Variants in EDIL3 observed in about 807,000 individuals in gnomAD.
EDIL3 encodes the protein EGF-like repeat and discoidin I-like domain-containing protein 3.
Under a neutral mutation model 67.4 loss-of-function variants are expected in EDIL3, and 37 were observed. The observed-to-expected ratio is 0.55, with a 90% CI of 0.42 to 0.72. The LOEUF is 0.72. Ranked by LOEUF, EDIL3 falls within the 30% of genes least tolerant of loss-of-function variation. The pLI, the probability that EDIL3 is intolerant of heterozygous loss-of-function variation, is 0.00. For synonymous variants in EDIL3, 195 were observed against 196.3 expected, an observed-to-expected ratio of 0.99 and a Z score of 0.05; for missense variants, 527 against 586.3, an observed-to-expected ratio of 0.90 and a Z score of 1.04.
Position 84,266,110 on chromosome 5 carries a change from C to T in EDIL3, c.68-11898G>A, listed in dbSNP as rs148978707. Among the ~76,000 whole-genome samples, 764 of 152,216 alleles carry T rather than the reference C, an allele frequency of 5.0e-3. 4 individuals are homozygous for T. Among genetic ancestry groups the T allele is most frequent in the African/African-American group, 0.017 (691 of 41,530 alleles). The stretch of plus-strand genomic sequence containing the variant: ...GGGGTTTTGTTACCTCTCTGGGCTA[C>T]CAAATAAAATGTGACTTGCTGAAAA... On this transcript the variant is annotated intron_variant, in intron 1 of 10. Coordinates refer to ENST00000296591, the MANE Select transcript of EDIL3 (RefSeq NM_005711.5).
At chr5:84,122,886 T>C (rs2112300611) in intron 5 of EDIL3, among the ~76,000 whole-genome samples, 1 of 152,070 alleles carries the variant, frequency 6.6e-6, no homozygotes, top group East Asian at 1.9e-4. Flanking sequence ...AGCAGAGGTA[T>C]AACATTTAAT....
At chr5:84,228,454 T>C (rs1041873000) in intron 3 of EDIL3, among the ~76,000 whole-genome samples, 2 of 152,036 alleles carry the variant, frequency 1.3e-5, no homozygotes, top group African/African-American at 4.8e-5. Context: ...CACAAACAGA[T>C]GAGTTTGCTA....
At chr5:84,343,079 A>T (rs1747158589) in intron 1 of EDIL3, among the ~76,000 whole-genome samples, 1 of 152,160 alleles carries the variant, frequency 6.6e-6, no homozygotes, top group Admixed American at 6.6e-5. Flanking sequence ...AATGGATAAA[A>T]GTCAAGGGAC....
intron 5 of EDIL3, among the ~76,000 whole-genome samples, chr5:84,113,551 T>G (rs575264533): frequency 1.3e-5 from 2 of 152,184 alleles, no homozygotes; most frequent in Non-Finnish European, 2.9e-5. Context: ...GTGAATAAAA[T>G]AGCTTCAAAG....
intron 3 of EDIL3, among the ~76,000 whole-genome samples, chr5:84,222,187 T>C (rs1468471734): frequency 6.6e-6 from 1 of 151,936 alleles, no homozygotes; most frequent in East Asian, 1.9e-4. Context: ...AGAAAATATC[T>C]AATTACTCTG....
At chr5:84,283,045 T>A (rs1159050870) in intron 1 of EDIL3, among the ~76,000 whole-genome samples, 1 of 152,134 alleles carries the variant, frequency 6.6e-6, no homozygotes, top group Non-Finnish European at 1.5e-5. Context: ...ATTTCTTTTT[T>A]TTTTTAACCA....
intron 6 of EDIL3, among the ~76,000 whole-genome samples, chr5:84,102,310 T>C (rs1434674803): frequency 6.6e-6 from 1 of 152,026 alleles, no homozygotes; most frequent in Non-Finnish European, 1.5e-5. Context: ...TTGGAAGTCC[T>C]GGCCAGGGCA....
rs550429663 is a variant in EDIL3, at chr5:84,172,850, C to T, written c.355+7543G>A. ...CAGGTAGAGGGCATTAAGTGAAAAA[C>T]GCTATATTAACTGCATGCTTTCTGC... On this transcript the variant is annotated intron_variant, in intron 4 of 10. Coordinates refer to ENST00000296591, the MANE Select transcript of EDIL3 (RefSeq NM_005711.5). Among the ~76,000 whole-genome samples the T allele has an allele frequency of 1.6e-4, 25 of 152,196 alleles. No individual in the cohort carries two copies. The South Asian group carries it at 2.5e-3, about 15-fold the overall frequency.
intron 1 of EDIL3, among the ~76,000 whole-genome samples, chr5:84,353,099 C>G (rs999594269): frequency 1.3e-5 from 2 of 152,118 alleles, no homozygotes; most frequent in Admixed American, 1.3e-4. Context: ...TGCACCCAAT[C>G]AATGTGAATA....
chr5:83,992,758 A>G (rs1745172807), intron 9 of EDIL3, among the ~76,000 whole-genome samples: 1 of 152,086 alleles, frequency 6.6e-6, no homozygotes, highest in African/African-American at 2.4e-5. Flanking sequence ...AAATCTATTA[A>G]TTTTAATGTT....
At position 84,076,158 on chromosome 5, in the gene EDIL3, AT is replaced by A. The variant is rs910633053; in HGVS notation, c.652-9553del. Among the ~76,000 whole-genome samples, 51 of 152,000 alleles carry A rather than the reference AT, an allele frequency of 3.4e-4. 1 individual carries two copies. Among genetic ancestry groups the A allele is most frequent in the Non-Finnish European group, 1.2e-4 (8 of 67,992 alleles). On this transcript the variant is annotated intron_variant, in intron 6 of 10. Coordinates refer to ENST00000296591, the MANE Select transcript of EDIL3 (RefSeq NM_005711.5). ...TTATATTTTATCAAATCTCTTTCAA[AT>A]CTAGCTTAAGAGAAGACAGGTTCTC...
At chr5:83,979,524 T>C (rs1744929495) in intron 9 of EDIL3, among the ~76,000 whole-genome samples, 1 of 152,108 alleles carries the variant, frequency 6.6e-6, no homozygotes, top group Non-Finnish European at 1.5e-5. Context: ...ACAGAATTGA[T>C]AACTAAATGG....
chr5:84,297,668 C>T (rs1746077938), intron 1 of EDIL3, among the ~76,000 whole-genome samples: 1 of 152,116 alleles, frequency 6.6e-6, no homozygotes, highest in Admixed American at 6.5e-5. Context: ...GGAGCCCATG[C>T]TATTTATTGG....
intron 10 of EDIL3, among the ~76,000 whole-genome samples, chr5:83,954,727 T>C (rs1300318586): frequency 5.3e-5 from 8 of 151,786 alleles, no homozygotes; most frequent in Admixed American, 1.3e-4. Context: ...GGTTACTGCA[T>C]ACTTAAACTA....
Position 84,238,663 on chromosome 5 carries a change from A to ATGTTTTT in EDIL3, c.197-8786_197-8780dup, listed in dbSNP as rs1554037691. Among the ~76,000 whole-genome samples the ATGTTTTT allele has an allele frequency of 3.0e-4, 8 of 26,694 alleles. No homozygotes were observed. The East Asian group carries it at 9.8e-3, about 33-fold the overall frequency. The allele number at this position is 26,694 out of a possible 152,430, so 17.5% of individuals were successfully genotyped here. ...CTGTTACAACAGGAGCTAAAATTAA[A>ATGTTTTT]TGTTTTTTTTTTTTTTTTTTCAGAA... On this transcript the variant is annotated intron_variant, in intron 2 of 10. Transcript: ENST00000296591.
At position 83,942,942 on chromosome 5, in the gene EDIL3, T is replaced by A. The variant is rs1744251134; in HGVS notation, c.*477A>T. On this transcript the variant is annotated 3_prime_UTR_variant, in exon 11 of 11. Transcript: ENST00000296591. ...TGTAATAAACATTGACAGTGTTTGGTAGGCACAGGGAAACAGGATAACGTA... is the reference window on the plus strand; with the variant it reads ...TGTAATAAACATTGACAGTGTTTGGAAGGCACAGGGAAACAGGATAACGTA... The A allele has an allele frequency of 6.3e-6, 1 of 158,854 alleles. No individual in the cohort carries two copies. The allele number at this position is 158,854 out of a possible 1,614,324, so 9.8% of individuals were successfully genotyped here. A position where few individuals can be genotyped will look rare whatever the true frequency, so the allele number is the denominator to read the frequency against.
At chr5:84,327,220 C>G (rs941716361) in intron 1 of EDIL3, among the ~76,000 whole-genome samples, 1 of 151,896 alleles carries the variant, frequency 6.6e-6, no homozygotes, top group Non-Finnish European at 1.5e-5. Flanking sequence ...ATGCTTTATT[C>G]ATCCTTACTA....
intron 7 of EDIL3, 53 bp downstream of exon 7, chr5:84,066,398 A>T: frequency 1.3e-6 from 2 of 1,506,674 alleles, no homozygotes; most frequent in Non-Finnish European, 1.8e-6. Flanking sequence ...TTGATAATCA[A>T]TAATTATCAA....
rs750040403 is a variant in EDIL3, at chr5:83,940,847, A to T, written c.*2572T>A. The T allele has an allele frequency of 1.3e-5, 2 of 152,014 alleles. No homozygotes were observed. The highest frequency in any genetic ancestry group is 2.4e-5 in the African/African-American group (1 of 41,444). 9.4% of individuals were successfully genotyped at this position (152,014 alleles called of 1,614,324 possible). On this transcript the variant is annotated 3_prime_UTR_variant, in exon 11 of 11. Coordinates refer to ENST00000296591, the MANE Select transcript of EDIL3 (RefSeq NM_005711.5). Reference sequence around the variant, plus strand: ...TTAGTAACCCAAGTCTTCAAAATTCACACCAAACTTTATGAAGTCATTCAG... The same window carrying T: ...TTAGTAACCCAAGTCTTCAAAATTCTCACCAAACTTTATGAAGTCATTCAG...
Sources: allele counts gnomAD v4.1 joint callset (sites outside exome capture counted in the v4.1 genomes callset), GRCh38; gene constraint gnomAD v4.1.1; transcripts MANE v1.5; gene names NCBI Gene and HGNC (gene_info 2026-07-23, HGNC 2026-07-21).